The following IL9R variants were observed in gnomAD, a reference collection of about 807,000 sequenced individuals.
IL9R encodes interleukin-9 receptor.
In IL9R, 54 loss-of-function variants were observed where a neutral mutation model predicts 56.3. That is an observed-to-expected ratio of 0.96 (90% confidence interval 0.77 to 1.20). The LOEUF (loss-of-function observed/expected upper bound fraction) is 1.20. IL9R is among the 50% of genes most tolerant of loss of function. The pLI is 0.00. For synonymous variants in IL9R, 212 were observed against 250.2 expected (o/e 0.85, Z 1.44); for missense variants, 545 against 629.8 (o/e 0.87, Z 1.44).
chrX:156,009,953 G>C lies in IL9R; in HGVS notation c.1110G>C (p.Val370=). ...GCCCAGCGCGTCCTTGGAAATCTGTGGCCCTGGAGGAGGAACAGGAGGGCC... is the reference window on the plus strand; with the variant it reads ...GCCCAGCGCGTCCTTGGAAATCTGTCGCCCTGGAGGAGGAACAGGAGGGCC... ...TCGPARPWKS[V]ALEEEQEGPG... Residue 370 remains valine (V), a synonymous_variant, in exon 9 of 9, where the codon GTG becomes GTC. Coordinates refer to ENST00000244174, the MANE Select transcript of IL9R (RefSeq NM_002186.3). The C allele has an allele frequency of 6.4e-7, 1 of 1,557,124 alleles. No individual in the cohort carries two copies. The highest frequency in any genetic ancestry group is 8.6e-7 in the Non-Finnish European group (1 of 1,162,958).
In IL9R at chrX:156,005,418, T is replaced by G. The variant is rs2067858970; in HGVS notation, c.720T>G (p.Arg240=). The change falls in exon 6 of 9, where the codon CGT becomes CGG. Residue 240 remains arginine (R), a synonymous_variant. Transcript: ENST00000244174. ...TLEDDVVEEE[R]YTGQWSEWSQ... ...AGGATGATGTGGTAGAGGAGGAGCG[T>G]TATACAGGCCAGTGGAGTGAGTGGA... 3 of 1,613,030 alleles carry G rather than the reference T, an allele frequency of 1.9e-6. No individual in the cohort carries two copies. In the African/African-American group the frequency reaches 4.0e-5, roughly 22 times the overall value.
In IL9R at chrX:156,006,138, C is replaced by G. The variant is rs150341783; in HGVS notation, c.837C>G (p.Ile279Met). 3.2e-5 allele frequency: 51 copies of G among 1,575,476 alleles called. No homozygotes were observed. In the African/African-American group the frequency reaches 6.2e-4, roughly 19 times the overall value. ...GCAACACCCTTGTTGCTGTGTCCAT[C>G]TTTCTCCTGCTGACTGGCCCGACCT... The part of the protein sequence containing the change: ...WPGNTLVAVS[I>M]FLLLTGPTYL... Residue 279 changes from isoleucine (I) to methionine (M), a missense_variant, in exon 7 of 9, where the codon ATC becomes ATG. Coordinates refer to ENST00000244174, the MANE Select transcript of IL9R (RefSeq NM_002186.3).
In IL9R at chrX:156,003,734, C is replaced by T. The variant is rs768187259; in HGVS notation, c.312C>T (p.Val104=). Residue 104 remains valine, a synonymous_variant, in exon 4 of 9, where the codon GTC becomes GTT. Transcript: ENST00000244174. ...KCILRGSECT[V]VLPPEAVLVP... The stretch of plus-strand genomic sequence containing the variant: ...TCTTGCGGGGCAGTGAGTGCACCGT[C>T]GTGCTGCCACCTGAGGCAGTGCTCG... The T allele has an allele frequency of 4.3e-6, 7 of 1,613,880 alleles. No homozygotes were observed. The highest frequency in any genetic ancestry group is 5.9e-6 in the Non-Finnish European group (7 of 1,179,834).
chrX:156,007,607 G>T lies in IL9R; in HGVS notation c.972G>T (p.Gln324His), dbSNP rs1351664632. 2.9e-6 allele frequency: 4 copies of T among 1,391,290 alleles called. No homozygotes were observed. The highest frequency in any genetic ancestry group is 2.9e-6 in the Non-Finnish European group (3 of 1,051,916). The allele number at this position is 1,391,290 out of a possible 1,614,324, so 86.2% of individuals were successfully genotyped here. Residue 324 changes from glutamine to histidine, a missense_variant and splice_region_variant, in exon 8 of 9, where the codon CAG (glutamine) becomes CAT (histidine). Gln to His is a conservative substitution (Grantham distance 24, BLOSUM62 0). Around this residue, in one of 2 missense-constraint regions of IL9R, gnomAD observed 114 missense variants for 269.8 expected, o/e 0.42. Coordinates refer to ENST00000244174, the MANE Select transcript of IL9R (RefSeq NM_002186.3). ...PLYSVHNGNF[Q>H]TWMGAHGAGV... ...ACAGTGTACACAATGGGAACTTCCAGGTGTGTGCAGAGACCACAGAAGGAC... is the reference window on the plus strand; with the variant it reads ...ACAGTGTACACAATGGGAACTTCCATGTGTGTGCAGAGACCACAGAAGGAC...
At chrX:156,007,265 C>G (rs1269978905) in intron 7 of IL9R, among the ~76,000 whole-genome samples, 1 of 142,364 alleles carries the variant, frequency 7.0e-6, no homozygotes, top group Non-Finnish European at 1.5e-5. Context: ...TAGTAACTCC[C>G]CGTTCTGAAC....
chrX:156,001,432 A>G (rs778002157), intron 1 of IL9R: 2 of 1,610,674 alleles, frequency 1.2e-6, no homozygotes, highest in Non-Finnish European at 1.7e-6. Context: ...ACGGACAGAC[A>G]CTGCTGCAGA....
rs191126158 is a variant in IL9R at position 156,005,219 on chromosome X, C to T, written c.580-59C>T. 4.7e-4 allele frequency: 643 copies of T among 1,381,736 alleles called. 2 individuals carry two copies. In the African/African-American group the frequency reaches 8.0e-3, roughly 17 times the overall value. The allele number at this position is 1,381,736 out of a possible 1,614,324, so 85.6% of individuals were successfully genotyped here. A position where few individuals can be genotyped will look rare whatever the true frequency, so the allele number is the denominator to read the frequency against. On this transcript the variant is annotated intron_variant, in intron 5 of 8. Coordinates refer to ENST00000244174, the MANE Select transcript of IL9R (RefSeq NM_002186.3). ...AGCATATAATGCATGTGTGTATTCT[C>T]GAGGGCTGAGGGACCCAGCCCCACC...
chrX:156,006,180 G>A lies in IL9R; in HGVS notation c.879G>A (p.Leu293=), dbSNP rs756115546. The change falls in exon 7 of 9, where the codon CTG becomes CTA. Residue 293 remains leucine (L), a synonymous_variant. Coordinates refer to ENST00000244174, the MANE Select transcript of IL9R (RefSeq NM_002186.3). The part of the protein sequence containing the change: ...LTGPTYLLFK[L]SPRVKRIFYQ... The stretch of plus-strand genomic sequence containing the variant: ...GCCCGACCTACCTCCTGTTCAAGCT[G>A]TCGCCCAGGTAGGTGGCTGATGTGT... 2 of 1,300,346 alleles carry A rather than the reference G, an allele frequency of 1.5e-6. No individual in the cohort carries two copies. The highest frequency in any genetic ancestry group is 2.2e-6 in the Non-Finnish European group (2 of 899,334). 80.6% of individuals were successfully genotyped at this position (1,300,346 alleles called of 1,614,324 possible). A position where few individuals can be genotyped will look rare whatever the true frequency, so the allele number is the denominator to read the frequency against.
At chrX:156,000,552 G>C (rs187725204) in intron 1 of IL9R, among the ~76,000 whole-genome samples, 1 of 152,316 alleles carries the variant, frequency 6.6e-6, no homozygotes, top group African/African-American at 2.4e-5. Context: ...AGCGGGACTG[G>C]GGGTGTCAGG....
chrX:156,008,277 C>A, intron 8 of IL9R, among the ~76,000 whole-genome samples: 1 of 151,226 alleles, frequency 6.6e-6, no homozygotes, highest in South Asian at 2.1e-4. Context: ...GGGCAAAGGA[C>A]AAGAGGCAGT....
chrX:155,999,620 C>A (rs1340315174), intron 1 of IL9R, among the ~76,000 whole-genome samples: 2 of 152,156 alleles, frequency 1.3e-5, no homozygotes, highest in Non-Finnish European at 2.9e-5. Flanking sequence ...AGGGAGCTGG[C>A]CCCTGCTCCC....
At chrX:155,998,245 G>A (rs760117218) in intron 1 of IL9R, among the ~76,000 whole-genome samples, 1 of 152,166 alleles carries the variant, frequency 6.6e-6, no homozygotes, top group African/African-American at 2.4e-5. Context: ...GTGTTTTAGG[G>A]CAGAAGAGGA....
Position 156,005,445 on chromosome X carries a change from C to T in IL9R, c.747C>T (p.Ser249=), listed in dbSNP as rs761808322. Residue 249 remains serine (S), a synonymous_variant, in exon 6 of 9, where the codon AGC becomes AGT. Transcript: ENST00000244174. The stretch of plus-strand genomic sequence containing the variant: ...ATACAGGCCAGTGGAGTGAGTGGAG[C>T]CAGCCTGTGTGCTTCCAGGCTCCCC... ...ERYTGQWSEW[S]QPVCFQAPQR... The T allele has an allele frequency of 1.7e-5, 27 of 1,612,924 alleles. No homozygotes were observed. The highest frequency in any genetic ancestry group is 8.9e-5 in the East Asian group (4 of 44,886).
intron 2 of IL9R, 96 bp from the exon 3 acceptor site, chrX:156,003,353 C>T: frequency 3.5e-6 from 3 of 864,902 alleles, no homozygotes; most frequent in African/African-American, 1.7e-5. Context: ...TGGTGACTGC[C>T]CTGCTAGGGT....
At chrX:156,001,664 T>C (rs2067539106) in intron 1 of IL9R, among the ~76,000 whole-genome samples, 2 of 194 alleles carry the variant, frequency 0.01, no homozygotes, top group African/African-American at 0.025. Flanking sequence ...TGTCTGGTTT[T>C]TTCCTCCTCC....
chrX:156,004,296 T>G, intron 4 of IL9R, 124 bp from the exon 5 acceptor site: 4 of 916,260 alleles, frequency 4.4e-6, no homozygotes, highest in South Asian at 3.1e-5. Context: ...CCCAGTGAGG[T>G]GCCTGGTCTG....
chrX:156,009,256 G>GTGTGTGTGTTTATGTGTGTGTGTC (rs2068288935), intron 8 of IL9R, among the ~76,000 whole-genome samples: 3 of 135,362 alleles, frequency 2.2e-5, no homozygotes, highest in South Asian at 2.4e-4. Context: ...GTGTGTCTGT[G>GTGTGTGTGTTTATGTGTGTGTGTC]TGTGTGTGTT....
chrX:156,007,221 A>AG (rs55822111), intron 7 of IL9R, among the ~76,000 whole-genome samples: 130,449 of 130,450 alleles, frequency 1, 65,224 homozygotes, highest in Middle Eastern at 1. Context: ...GGGTTCCTGG[A>AG]GTGCTGGCTC....
At chrX:156,003,080 A>G in intron 2 of IL9R, 61 bp downstream of exon 2, 1 of 1,603,840 alleles carries the variant, frequency 6.2e-7, no homozygotes, top group African/African-American at 1.3e-5. Context: ...TGTTTGGGGG[A>G]CTGGGTTGTC....
Sources: gnomAD v4.1 joint callset for allele counts (sites outside exome capture counted in the v4.1 genomes callset) on GRCh38, gnomAD v4.1.1 for gene constraint, gnomAD v4.1.1 regional missense constraint, MANE v1.5 for transcripts, NCBI Gene and HGNC (gene_info 2026-07-23, HGNC 2026-07-21) for gene names.